Variants in PITPNM2 observed in about 807,000 individuals in gnomAD.
The protein encoded by PITPNM2 is membrane-associated phosphatidylinositol transfer protein 2.
In PITPNM2, 35 loss-of-function variants were observed where a neutral mutation model predicts 132.2. The observed-to-expected ratio is 0.26, with a 90% CI of 0.20 to 0.35. PITPNM2 has a LOEUF of 0.35. Among genes scored for constraint, PITPNM2 ranks in the 10% least tolerant of loss-of-function variants. The pLI, the probability that PITPNM2 is intolerant of heterozygous loss-of-function variation, is 1.00. For missense variants in PITPNM2, 1,332 were observed against 1,912.0 expected (o/e 0.70, Z 5.66); for synonymous variants, 738 against 799.2 (o/e 0.92, Z 1.29).
Position 122,986,767 on chromosome 12 carries a change from T to G in PITPNM2, c.3476A>C (p.Gln1159Pro). The change falls in exon 24 of 26, where the codon CAG (glutamine) becomes CCG (proline). Residue 1159 changes from glutamine (Q) to proline (P), a missense_variant. By Grantham distance (76) the Gln-to-Pro change is moderately conservative. This residue lies in a region of PITPNM2 where 251 missense variants were observed against 472.0 expected (regional missense o/e 0.53). Coordinates refer to ENST00000320201, the MANE Select transcript of PITPNM2 (RefSeq NM_020845.3). Reference sequence around the variant, plus strand: ...CTGGGCCAGCCACGCCACCACCCGCTGCTTCTGCATGTCGGGCCGGCCCGT... The same window carrying G: ...CTGGGCCAGCCACGCCACCACCCGCGGCTTCTGCATGTCGGGCCGGCCCGT... ...YVTGRPDMQK[Q>P]RVVAWLAQHN... The G allele has an allele frequency of 6.2e-7, 1 of 1,613,606 alleles. No individual in the cohort carries two copies.
chr12:123,149,291 TC>T (rs2043680523), intron 1 of PITPNM2, among the ~76,000 whole-genome samples: 1 of 151,876 alleles, frequency 6.6e-6, no homozygotes, highest in Admixed American at 6.6e-5. Context: ...GAATCTGGAG[TC>T]TTTGCCTGGC....
At chr12:123,118,259 G>A (rs2042967276) in intron 1 of PITPNM2, among the ~76,000 whole-genome samples, 1 of 152,248 alleles carries the variant, frequency 6.6e-6, no homozygotes, top group South Asian at 2.1e-4. Flanking sequence ...CTAGGTGACA[G>A]TTCAGGGAGA....
rs1386435607 is a variant in PITPNM2 at position 123,008,833 on chromosome 12, C to T, written c.643+1017G>A. Reference sequence around the variant, plus strand: ...GTCTTCGCTTCTCCAAGTGGAAGACCGCGTCCTTGGACCCCAATCCTTTCG... The same window carrying T: ...GTCTTCGCTTCTCCAAGTGGAAGACTGCGTCCTTGGACCCCAATCCTTTCG... On this transcript the variant is annotated intron_variant, in intron 6 of 25. Coordinates refer to ENST00000320201, the MANE Select transcript of PITPNM2 (RefSeq NM_020845.3). The surrounding 1 kb of genome is among the most constrained non-coding windows in gnomAD (Gnocchi z 4.1). Among the ~76,000 whole-genome samples, 4 of 152,230 alleles carry T rather than the reference C, an allele frequency of 2.6e-5. No individual in the cohort carries two copies. The highest frequency in any genetic ancestry group is 6.5e-5 in the Admixed American group (1 of 15,288).
intron 8 of PITPNM2, among the ~76,000 whole-genome samples, chr12:123,002,672 G>A (rs1015798299): frequency 6.6e-6 from 1 of 152,168 alleles, no homozygotes; most frequent in Admixed American, 6.5e-5. Flanking sequence ...AAAGTGTTGG[G>A]ATAACAGGCG....
At position 122,986,010 on chromosome 12, in the gene PITPNM2, G is replaced by A. The variant is rs934517607; in HGVS notation, c.*17C>T. On this transcript the variant is annotated 3_prime_UTR_variant, in exon 26 of 26. Transcript: ENST00000320201. ...TGGCCTAGCACCATGGAGACCCCGCGCTGCACTCACGGTGCCCTACTTGGG... is the reference window on the plus strand; with the variant it reads ...TGGCCTAGCACCATGGAGACCCCGCACTGCACTCACGGTGCCCTACTTGGG... 5.8e-5 allele frequency: 81 copies of A among 1,390,036 alleles called. No homozygotes were observed. The highest frequency in any genetic ancestry group is 6.9e-5 in the Non-Finnish European group (75 of 1,082,422). The allele number at this position is 1,390,036 out of a possible 1,614,324, so 86.1% of individuals were successfully genotyped here. A position where few individuals can be genotyped will look rare whatever the true frequency, so the allele number is the denominator to read the frequency against.
intron 2 of PITPNM2, chr12:123,088,526 G>A (rs1476149509): frequency 6.6e-6 from 1 of 152,416 alleles, no homozygotes; most frequent in East Asian, 1.9e-4. Context: ...GCGACTGGAA[G>A]TGGAGGGGTG....
At chr12:123,046,748 T>A (rs1441817784) in intron 2 of PITPNM2, among the ~76,000 whole-genome samples, 2 of 152,238 alleles carry the variant, frequency 1.3e-5, no homozygotes, top group African/African-American at 4.8e-5. Flanking sequence ...GAGGTTCATG[T>A]TGTAGCATTG....
rs769358200 is a variant in PITPNM2 at position 123,004,343 on chromosome 12, C to G, written c.1048+51G>C. 2 of 1,578,904 alleles carry G rather than the reference C, an allele frequency of 1.3e-6. No homozygotes were observed. The highest frequency in any genetic ancestry group is 2.2e-5 in the South Asian group (2 of 89,972). ...ACACCCTAAGCCCTTTCAGACCCCT[C>G]CCCACCTCGCCCAGGAAGGCCCCAA... On this transcript the variant is annotated intron_variant, in intron 8 of 25. Transcript: ENST00000320201. The surrounding 1 kb of genome is among the most constrained non-coding windows in gnomAD (Gnocchi z 4.9).
rs2137754484 is a variant in PITPNM2, at chr12:123,150,295, A to G, written c.-200+458T>C. ...CCTGGGCCCCCGACAAGCAGAGGCC[A>G]CGGCCCGGGCCTGGGGACGTTCAGC... On this transcript the variant is annotated intron_variant, in intron 1 of 25. Transcript: ENST00000320201. The surrounding 1 kb of genome is among the most constrained non-coding windows in gnomAD (Gnocchi z 6.0). Among the ~76,000 whole-genome samples the G allele has an allele frequency of 2.0e-5, 3 of 152,044 alleles. No homozygotes were observed. Among genetic ancestry groups the G allele is most frequent in the Middle Eastern group, 6.8e-3 (2 of 292 alleles).
Position 123,083,544 on chromosome 12 carries a change from G to A in PITPNM2, c.-96+26841C>T, listed in dbSNP as rs976844144. 1 of 152,274 alleles carries A rather than the reference G, an allele frequency of 6.6e-6. No homozygotes were observed. The highest frequency in any genetic ancestry group is 1.5e-5 in the Non-Finnish European group (1 of 68,070). The allele number at this position is 152,274 out of a possible 1,614,324, so 9.4% of individuals were successfully genotyped here. ...GGCAGGACGCCCCACTTGATGGTAG[G>A]CTTCTCCCAGATGGCTAACTGCTTC... On this transcript the variant is annotated intron_variant, in intron 2 of 25. Transcript: ENST00000320201. The surrounding 1 kb of genome is among the most constrained non-coding windows in gnomAD (Gnocchi z 4.5).
chr12:123,065,455 G>A (rs534473739), intron 2 of PITPNM2, among the ~76,000 whole-genome samples: 2 of 152,378 alleles, frequency 1.3e-5, no homozygotes, highest in Non-Finnish European at 2.9e-5. Context: ...GCTGGCAGGA[G>A]AGGCAGGAGG....
chr12:123,032,830 A>C (rs922324491), intron 3 of PITPNM2, among the ~76,000 whole-genome samples: 3 of 152,208 alleles, frequency 2.0e-5, no homozygotes, highest in African/African-American at 7.2e-5. Context: ...TAAGTGGTTC[A>C]AGAGGGAATT....
chr12:123,077,419 T>C lies in PITPNM2; in HGVS notation c.-96+32966A>G, dbSNP rs1348216597. ...ATCACCACTCCAGAGCCCTGCCCCATCTAGGGCGCACGTGCATGCCTCTGA... is the reference window on the plus strand; with the variant it reads ...ATCACCACTCCAGAGCCCTGCCCCACCTAGGGCGCACGTGCATGCCTCTGA... On this transcript the variant is annotated intron_variant, in intron 2 of 25. Transcript: ENST00000320201. This position sits in a 1 kb window ranked among gnomAD's most constrained non-coding sequence, Gnocchi z 4.8. Among the ~76,000 whole-genome samples the C allele has an allele frequency of 2.0e-5, 3 of 152,194 alleles. No individual in the cohort carries two copies. Among genetic ancestry groups the C allele is most frequent in the Non-Finnish European group, 4.4e-5 (3 of 68,034 alleles).
intron 1 of PITPNM2, among the ~76,000 whole-genome samples, chr12:123,142,825 T>C (rs1437743903): frequency 1.3e-5 from 2 of 151,880 alleles, no homozygotes; most frequent in Non-Finnish European, 2.9e-5. Context: ...TCCAGTGTGA[T>C]TACCCACATG....
At chr12:123,041,658 C>T (rs773913230) in intron 2 of PITPNM2, among the ~76,000 whole-genome samples, 24 of 152,316 alleles carry the variant, frequency 1.6e-4, no homozygotes, top group Middle Eastern at 3.4e-3. Flanking sequence ...TCGTCTCTGC[C>T]GGAGTCGTGA....
intron 9 of PITPNM2, 37 bp downstream of exon 9, chr12:123,001,017 C>G: frequency 6.3e-7 from 1 of 1,592,528 alleles, no homozygotes; most frequent in Non-Finnish European, 8.6e-7. Context: ...CTGCAACCGC[C>G]CTCCCCAGGC....
At chr12:123,151,576 G>A, upstream of PITPNM2, among the ~76,000 whole-genome samples, 1 of 152,136 alleles carries the variant, frequency 6.6e-6, no homozygotes, top group East Asian at 1.9e-4. Context: ...TCTCCCCTCA[G>A]GACGCCCGGG....
At chr12:123,114,013 T>C (rs1015375620) in intron 1 of PITPNM2, among the ~76,000 whole-genome samples, 13 of 152,354 alleles carry the variant, frequency 8.5e-5, no homozygotes, top group Admixed American at 3.3e-4. Context: ...TGTTATAGCA[T>C]TTGTGTCGGT....
intron 1 of PITPNM2, among the ~76,000 whole-genome samples, chr12:123,116,345 GC>G (rs2042935517): frequency 6.6e-6 from 1 of 152,134 alleles, no homozygotes; most frequent in African/African-American, 2.4e-5. Flanking sequence ...TGGAATGTTA[GC>G]CTTAAAAAAG....
Sources: allele counts gnomAD v4.1 joint callset (sites outside exome capture counted in the v4.1 genomes callset), GRCh38; gene constraint gnomAD v4.1.1; regional missense constraint gnomAD v4.1.1; non-coding constraint Gnocchi (gnomAD v3.1); transcripts MANE v1.5; gene names NCBI Gene and HGNC (gene_info 2026-07-23, HGNC 2026-07-21).